The following MBOAT2 variants were observed in gnomAD, a reference collection of about 807,000 sequenced individuals.
MBOAT2 encodes membrane-bound glycerophospholipid O-acyltransferase 2.
A neutral mutation model predicts 63.4 loss-of-function variants in MBOAT2; 28 were observed. That is an observed-to-expected ratio of 0.44 (90% CI 0.33 to 0.61). MBOAT2 has a LOEUF of 0.61. Ranked by LOEUF, MBOAT2 falls within the 20% of genes least tolerant of loss-of-function variation. The pLI is 0.03. For missense variants in MBOAT2, 470 were observed against 605.8 expected (o/e 0.78, Z 2.35); for synonymous variants, 211 against 215.6 (o/e 0.98, Z 0.19).
At chr2:8,874,279 C>A (rs1468878431) in intron 7 of MBOAT2, among the ~76,000 whole-genome samples, 1 of 152,198 alleles carries the variant, frequency 6.6e-6, no homozygotes, top group East Asian at 1.9e-4. Flanking sequence ...TGTTCAAGGA[C>A]TCCTTGCAGC....
chr2:8,965,255 C>T (rs1376754900), intron 1 of MBOAT2, among the ~76,000 whole-genome samples: 1 of 152,082 alleles, frequency 6.6e-6, no homozygotes, highest in African/African-American at 2.4e-5. Context: ...TTTATCTATA[C>T]CTATTTCCTA....
At chr2:8,891,001 A>G (rs1208694841) in intron 4 of MBOAT2, among the ~76,000 whole-genome samples, 1 of 152,196 alleles carries the variant, frequency 6.6e-6, no homozygotes, top group Non-Finnish European at 1.5e-5. Flanking sequence ...CCCATGAGCT[A>G]CTCAACAGTT....
At chr2:8,892,496 T>C (rs1664076168) in intron 4 of MBOAT2, among the ~76,000 whole-genome samples, 1 of 152,212 alleles carries the variant, frequency 6.6e-6, no homozygotes, top group Admixed American at 6.5e-5. Flanking sequence ...AATGAGCACC[T>C]ACGATGCACC....
At chr2:8,954,277 G>A (rs1314616733) in intron 2 of MBOAT2, among the ~76,000 whole-genome samples, 1 of 152,118 alleles carries the variant, frequency 6.6e-6, no homozygotes, top group Non-Finnish European at 1.5e-5. Flanking sequence ...AAAGCCAGCT[G>A]CAGCCAACAT....
intron 3 of MBOAT2, among the ~76,000 whole-genome samples, chr2:8,934,134 G>A (rs969576326): frequency 3.3e-5 from 5 of 152,064 alleles, no homozygotes; most frequent in African/African-American, 1.2e-4. Context: ...ACTCCCTAAG[G>A]GAACTGAGAA....
intron 3 of MBOAT2, among the ~76,000 whole-genome samples, chr2:8,938,824 T>C (rs1293599948): frequency 6.6e-6 from 1 of 152,230 alleles, no homozygotes; most frequent in Non-Finnish European, 1.5e-5. Context: ...GCCTGTGCTG[T>C]CCACCCTGCA....
At chr2:8,962,968 C>A (rs185507732) in intron 1 of MBOAT2, among the ~76,000 whole-genome samples, 1 of 152,060 alleles carries the variant, frequency 6.6e-6, no homozygotes, top group South Asian at 2.1e-4. Context: ...CAGGGCCGAG[C>A]GAGGTGGCTC....
chr2:8,970,071 T>C (rs926103357), intron 1 of MBOAT2, among the ~76,000 whole-genome samples: 2 of 152,210 alleles, frequency 1.3e-5, no homozygotes, highest in Admixed American at 6.5e-5. Flanking sequence ...ATATACATTC[T>C]TCTCAGCACC....
chr2:9,000,636 T>C (rs1016933585), intron 1 of MBOAT2, among the ~76,000 whole-genome samples: 2 of 152,334 alleles, frequency 1.3e-5, no homozygotes, highest in South Asian at 2.1e-4. Context: ...GTGGACACCA[T>C]AGTGTACTTA....
At position 8,881,147 on chromosome 2, in the gene MBOAT2, G is replaced by A. The variant is rs561183751; in HGVS notation, c.506+1364C>T. ...GGAAGTGAACTCCGTGCAGCAGTGA[G>A]AAGCTGGCCTTCGATTAGATGATGG... On this transcript the variant is annotated intron_variant, in intron 6 of 12. Transcript: ENST00000305997. 3.9e-5 allele frequency among the ~76,000 whole-genome samples: 6 copies of A among 152,332 alleles called. No individual in the cohort carries two copies. The South Asian group carries it at 1.0e-3, about 26-fold the overall frequency.
At chr2:8,888,446 A>G (rs1221849495) in intron 4 of MBOAT2, among the ~76,000 whole-genome samples, 1 of 152,176 alleles carries the variant, frequency 6.6e-6, no homozygotes, top group Non-Finnish European at 1.5e-5. Flanking sequence ...CTTTCTGCTC[A>G]GTACTTTCTT....
At chr2:8,987,319 T>C (rs888228133) in intron 1 of MBOAT2, among the ~76,000 whole-genome samples, 1 of 152,212 alleles carries the variant, frequency 6.6e-6, no homozygotes, top group Non-Finnish European at 1.5e-5. Context: ...ACTTACACCT[T>C]GCTCACTCTG....
chr2:8,908,994 T>C (rs1020079282), intron 3 of MBOAT2, among the ~76,000 whole-genome samples: 2 of 152,200 alleles, frequency 1.3e-5, no homozygotes, highest in Admixed American at 1.3e-4. Context: ...ATCACAAGCA[T>C]AAACCTGTGG....
rs1315121980 is a variant in MBOAT2 at position 8,896,154 on chromosome 2, G to T, written c.396-8081C>A. 2.6e-5 allele frequency among the ~76,000 whole-genome samples: 4 copies of T among 151,652 alleles called. No individual in the cohort carries two copies. The South Asian group carries it at 6.3e-4, about 24-fold the overall frequency. ...CTCAGGAGGCTGAGGCAGAAGAATG[G>T]CGTGAACCCGGGAGGTGGAGCTTGC... On this transcript the variant is annotated intron_variant, in intron 4 of 12. Coordinates refer to ENST00000305997, the MANE Select transcript of MBOAT2 (RefSeq NM_138799.4).
intron 1 of MBOAT2, among the ~76,000 whole-genome samples, chr2:8,993,240 T>G (rs1176910773): frequency 6.6e-6 from 1 of 152,200 alleles, no homozygotes; most frequent in Non-Finnish European, 1.5e-5. Flanking sequence ...CCCCCAAAAT[T>G]CTTCAATGCT....
chr2:8,893,742 G>C (rs1664197310), intron 4 of MBOAT2, among the ~76,000 whole-genome samples: 1 of 152,220 alleles, frequency 6.6e-6, no homozygotes, highest in Admixed American at 6.5e-5. Context: ...TCTGCACAGA[G>C]AGAGCTGAGG....
intron 4 of MBOAT2, among the ~76,000 whole-genome samples, chr2:8,901,660 G>C (rs1199249262): frequency 6.6e-6 from 1 of 152,186 alleles, no homozygotes; most frequent in Non-Finnish European, 1.5e-5. Flanking sequence ...TTCAGGAATA[G>C]TTTTTGTTAG....
intron 8 of MBOAT2, among the ~76,000 whole-genome samples, chr2:8,870,387 A>C (rs1271515160): frequency 6.6e-6 from 1 of 152,246 alleles, no homozygotes; most frequent in Non-Finnish European, 1.5e-5. Flanking sequence ...TGTGGATACA[A>C]AAATCAGAAA....
At chr2:8,980,876 T>G (rs1195335301) in intron 1 of MBOAT2, among the ~76,000 whole-genome samples, 1 of 151,918 alleles carries the variant, frequency 6.6e-6, no homozygotes, top group Non-Finnish European at 1.5e-5. Context: ...AACTGAAAAC[T>G]TAAATCTACA....
Sources: allele counts gnomAD v4.1 joint callset (sites outside exome capture counted in the v4.1 genomes callset), GRCh38; gene constraint gnomAD v4.1.1; transcripts MANE v1.5; gene names NCBI Gene and HGNC (gene_info 2026-07-23, HGNC 2026-07-21).